CDC14A: variants seen among roughly 807,000 people sequenced by gnomAD.
CDC14A encodes the protein dual specificity protein phosphatase CDC14A.
Under a neutral mutation model 74.4 loss-of-function variants are expected in CDC14A, and 53 were observed. The observed-to-expected ratio is 0.71, with a 90% CI of 0.57 to 0.89. The LOEUF (loss-of-function observed/expected upper bound fraction) is 0.89. Among genes scored for constraint, CDC14A ranks in the 40% least tolerant of loss-of-function variants. The probability of loss-of-function intolerance (pLI) is 0.00; values close to 1 mark genes in which losing one functional copy is unlikely to be tolerated. For missense variants in CDC14A, 646 were observed against 713.7 expected (o/e 0.91, Z 1.08); for synonymous variants, 247 against 258.4 (o/e 0.96, Z 0.43).
chr1:100,398,259 T>C (rs1218229048), intron 4 of CDC14A, among the ~76,000 whole-genome samples: 17 of 152,214 alleles, frequency 1.1e-4, no homozygotes, highest in Non-Finnish European at 2.9e-5. Context: ...CAAAGTTTTC[T>C]GACCCAGTCT....
At chr1:100,430,000 C>T (rs912598404) in intron 5 of CDC14A, among the ~76,000 whole-genome samples, 3 of 152,090 alleles carry the variant, frequency 2.0e-5, no homozygotes, top group East Asian at 3.9e-4. Context: ...GTTGGGATCA[C>T]AGGCATGCAC....
At chr1:100,415,350 T>C (rs543268124) in intron 4 of CDC14A, among the ~76,000 whole-genome samples, 2 of 152,298 alleles carry the variant, frequency 1.3e-5, no homozygotes, top group South Asian at 4.1e-4. Flanking sequence ...CATGAGGGTA[T>C]TTCAGAGCAA....
rs371468460 is a variant in CDC14A at position 100,462,665 on chromosome 1, G to T, written c.622G>T (p.Ala208Ser). The T allele has an allele frequency of 1.9e-6, 3 of 1,613,764 alleles. No homozygotes were observed. Among genetic ancestry groups the T allele is most frequent in the Admixed American group, 3.3e-5 (2 of 60,004 alleles). ...TGTTCCTTTAGGTTATCCTCTTCAC[G>T]CCCCTGAAGCCTACTTTCCTTATTT... ...SKIENGYPLHAPEAYFPYFKK... is the reference protein window; with the variant it reads ...SKIENGYPLHSPEAYFPYFKK... Residue 208 changes from alanine (A) to serine (S), a missense_variant, in exon 9 of 16, where the codon GCC (alanine) becomes TCC (serine). By Grantham distance (99) the Ala-to-Ser change is moderately conservative (BLOSUM62 1). Transcript: ENST00000336454.
At chr1:100,483,932 T>A (rs965498513) in intron 10 of CDC14A, among the ~76,000 whole-genome samples, 2 of 152,198 alleles carry the variant, frequency 1.3e-5, no homozygotes, top group East Asian at 3.8e-4. Flanking sequence ...TTTTTATAAA[T>A]AGGCATATCA....
rs368335195 is a variant in CDC14A, at chr1:100,494,939, G to C, written c.1250+9G>C. The C allele has an allele frequency of 5.7e-6, 8 of 1,403,740 alleles. No individual in the cohort carries two copies. Among genetic ancestry groups the C allele is most frequent in the Middle Eastern group, 1.8e-4 (1 of 5,620 alleles). 87.0% of individuals were successfully genotyped at this position (1,403,740 alleles called of 1,614,324 possible). A position where few individuals can be genotyped will look rare whatever the true frequency, so the allele number is the denominator to read the frequency against. On this transcript the variant is annotated intron_variant, in intron 12 of 15. Coordinates refer to ENST00000336454, the MANE Select transcript of CDC14A (RefSeq NM_003672.4). ...CCATCCTGTGCATTTAGGTAGATCT[G>C]TTTTAAACACTTCAATTTATAGTGT...
At chr1:100,481,687 G>T (rs567779603) in intron 10 of CDC14A, among the ~76,000 whole-genome samples, 1 of 152,260 alleles carries the variant, frequency 6.6e-6, no homozygotes, top group Middle Eastern at 3.4e-3. Flanking sequence ...ACTTCTTAAG[G>T]CTCTATTCAA....
At chr1:100,484,997 A>C (rs1381212218) in intron 11 of CDC14A, 13 of 983,020 alleles carry the variant, frequency 1.3e-5, no homozygotes, top group Admixed American at 6.1e-5. Context: ...ATAGGAAGGA[A>C]ATTGCATATC....
chr1:100,376,240 A>G (rs1310380445), intron 2 of CDC14A, among the ~76,000 whole-genome samples: 1 of 152,198 alleles, frequency 6.6e-6, no homozygotes, highest in African/African-American at 2.4e-5. Flanking sequence ...AACATGGCAC[A>G]TGTATACATA....
intron 8 of CDC14A, among the ~76,000 whole-genome samples, chr1:100,459,120 CACACACAG>C (rs1667052934): frequency 2.0e-5 from 3 of 148,604 alleles, no homozygotes; most frequent in Admixed American, 6.6e-5. Flanking sequence ...CACACACACA[CACACACAG>C]AGAGAGAGAG....
intron 8 of CDC14A, among the ~76,000 whole-genome samples, chr1:100,461,678 G>A (rs940262773): frequency 7.5e-6 from 1 of 133,210 alleles, no homozygotes; most frequent in Admixed American, 6.9e-5. Flanking sequence ...CCAGCTGACT[G>A]TGTAGCTCCC....
chr1:100,474,104 A>G (rs1668656898), intron 10 of CDC14A, among the ~76,000 whole-genome samples: 1 of 152,170 alleles, frequency 6.6e-6, no homozygotes, highest in Non-Finnish European at 1.5e-5. Flanking sequence ...GATTGATATG[A>G]TCACATGATT....
intron 10 of CDC14A, among the ~76,000 whole-genome samples, chr1:100,471,477 G>A (rs1668390153): frequency 6.6e-6 from 1 of 152,042 alleles, no homozygotes; most frequent in Admixed American, 6.6e-5. Context: ...TCTCTACACA[G>A]AAAACCGAAG....
At chr1:100,426,817 T>A (rs1645375685) in intron 5 of CDC14A, among the ~76,000 whole-genome samples, 1 of 152,218 alleles carries the variant, frequency 6.6e-6, no homozygotes, top group Non-Finnish European at 1.5e-5. Context: ...TTTTGATATC[T>A]TAGGATACCA....
chr1:100,403,798 C>G (rs1365247190), intron 4 of CDC14A, among the ~76,000 whole-genome samples: 3 of 152,184 alleles, frequency 2.0e-5, no homozygotes, highest in Non-Finnish European at 2.9e-5. Context: ...GTAGCTAGGT[C>G]AACGTTGTGG....
intron 2 of CDC14A, among the ~76,000 whole-genome samples, chr1:100,366,112 T>C (rs1253067680): frequency 6.6e-6 from 1 of 152,182 alleles, no homozygotes; most frequent in African/African-American, 2.4e-5. Flanking sequence ...TAGTAACTAT[T>C]TGAGTGAGCA....
Position 100,477,643 on chromosome 1 carries a change from A to C in CDC14A, c.978-6649A>C, listed in dbSNP as rs149040360. On this transcript the variant is annotated intron_variant, in intron 10 of 15. Coordinates refer to ENST00000336454, the MANE Select transcript of CDC14A (RefSeq NM_003672.4). ...GAAAAAAACAAGGCTTTGAAGACTA[A>C]CTAATGATCAGAGAGATGAAGAGTA... 6.6e-5 allele frequency among the ~76,000 whole-genome samples: 10 copies of C among 152,312 alleles called. No individual in the cohort carries two copies. In the East Asian group the frequency reaches 1.9e-3, roughly 29 times the overall value.
chr1:100,393,107 G>A lies in CDC14A; in HGVS notation c.309+2283G>A, dbSNP rs898670981. 30 of 1,451,816 alleles carry A rather than the reference G, an allele frequency of 2.1e-5. No homozygotes were observed. In the African/African-American group the frequency reaches 3.8e-4, roughly 18 times the overall value. The allele number at this position is 1,451,816 out of a possible 1,614,324, so 89.9% of individuals were successfully genotyped here. A position where few individuals can be genotyped will look rare whatever the true frequency, so the allele number is the denominator to read the frequency against. ...TTAATTTGATAGATTTCATTTTCTAGTTGAAAAATAGTCCGTTCAGTCTCA... is the reference window on the plus strand; with the variant it reads ...TTAATTTGATAGATTTCATTTTCTAATTGAAAAATAGTCCGTTCAGTCTCA... On this transcript the variant is annotated intron_variant, in intron 4 of 15. Transcript: ENST00000336454.
At chr1:100,493,495 G>C (rs1647289340) in intron 11 of CDC14A, among the ~76,000 whole-genome samples, 1 of 152,206 alleles carries the variant, frequency 6.6e-6, no homozygotes, top group East Asian at 1.9e-4. Context: ...ATGGTAATAA[G>C]TTCCTCCCCC....
At chr1:100,402,634 C>T (rs936205124) in intron 4 of CDC14A, among the ~76,000 whole-genome samples, 1 of 152,130 alleles carries the variant, frequency 6.6e-6, no homozygotes, top group Admixed American at 6.5e-5. Flanking sequence ...CCTGCTTTGT[C>T]ATATTTCAGT....
Sources: gnomAD v4.1 joint callset for allele counts (sites outside exome capture counted in the v4.1 genomes callset) on GRCh38, gnomAD v4.1.1 for gene constraint, MANE v1.5 for transcripts, NCBI Gene and HGNC (gene_info 2026-07-23, HGNC 2026-07-21) for gene names.